Variants in ERBB4 observed in about 807,000 individuals in gnomAD.
ERBB4 encodes the protein erb-b2 receptor tyrosine kinase 4, also known as receptor tyrosine-protein kinase erbB-4.
Under a neutral mutation model 158.0 loss-of-function variants are expected in ERBB4, and 42 were observed. The observed-to-expected ratio is 0.27, with a 90% confidence interval of 0.21 to 0.34. The LOEUF (loss-of-function observed/expected upper bound fraction) is 0.34. Ranked by LOEUF, ERBB4 falls within the 10% of genes least tolerant of loss-of-function variation. The pLI, the probability that ERBB4 is intolerant of heterozygous loss-of-function variation, is 1.00. For synonymous variants in ERBB4, 583 were observed against 558.7 expected (o/e 1.04, Z -0.61); for missense variants, 1,333 against 1,624.1 (o/e 0.82, Z 3.08).
intron 19 of ERBB4, among the ~76,000 whole-genome samples, chr2:211,587,038 G>C (rs144042469): frequency 0.015 from 2,321 of 152,204 alleles, 37 homozygotes; most frequent in Middle Eastern, 0.051. Flanking sequence ...AAAAAATTAA[G>C]TTGAACCATT....
intron 5 of ERBB4, among the ~76,000 whole-genome samples, chr2:211,725,569 T>G (rs1248536693): frequency 6.6e-6 from 1 of 152,082 alleles, no homozygotes; most frequent in East Asian, 1.9e-4. Context: ...ACGACTGCAC[T>G]TGTGAATAGT....
At chr2:211,772,854 T>C (rs959131931) in intron 4 of ERBB4, among the ~76,000 whole-genome samples, 16 of 59,684 alleles carry the variant, frequency 2.7e-4, no homozygotes, top group Middle Eastern at 0.016. Context: ...TATATATATA[T>C]ATATATATAT....
chr2:211,423,693 G>C (rs767297034), intron 23 of ERBB4, among the ~76,000 whole-genome samples: 12 of 151,816 alleles, frequency 7.9e-5, no homozygotes, highest in Middle Eastern at 3.2e-3. Flanking sequence ...ATTTGCTCCT[G>C]ACTAAAACCA....
At chr2:212,419,491 A>G (rs956133907) in intron 1 of ERBB4, among the ~76,000 whole-genome samples, 16 of 152,014 alleles carry the variant, frequency 1.1e-4, no homozygotes, top group African/African-American at 3.6e-4. Flanking sequence ...ATCCTAAATT[A>G]GACATACTAC....
rs549254649 is a variant in ERBB4 at position 211,571,041 on chromosome 2, C to CTTTTTTTTTTTTTTTTTTTTT, written c.2302-8954_2302-8953insAAAAAAAAAAAAAAAAAAAAA. 5.5e-5 allele frequency among the ~76,000 whole-genome samples: 6 copies of CTTTTTTTTTTTTTTTTTTTTT among 109,078 alleles called. 1 individual carries two copies. Among genetic ancestry groups the CTTTTTTTTTTTTTTTTTTTTT allele is most frequent in the African/African-American group, 2.1e-4 (6 of 28,156 alleles). 71.6% of individuals were successfully genotyped at this position (109,078 alleles called of 152,430 possible). A position where few individuals can be genotyped will look rare whatever the true frequency, so the allele number is the denominator to read the frequency against. On this transcript the variant is annotated intron_variant, in intron 19 of 27. Coordinates refer to ENST00000342788, the MANE Select transcript of ERBB4 (RefSeq NM_005235.3). Reference sequence around the variant, plus strand: ...TTTTCACTCTCTGAGTACTCTTCTTCTTTTTTTTTTTTTTTTTTTTGAGAC... The same window carrying CTTTTTTTTTTTTTTTTTTTTT: ...TTTTCACTCTCTGAGTACTCTTCTTCTTTTTTTTTTTTTTTTTTTTTTTTTTTTTTTTTTTTTTTTTGAGAC...
intron 1 of ERBB4, among the ~76,000 whole-genome samples, chr2:212,481,840 T>C (rs1174292684): frequency 1.3e-5 from 2 of 152,328 alleles, no homozygotes; most frequent in African/African-American, 4.8e-5. Flanking sequence ...AATTACATTT[T>C]CATCCATATA....
intron 19 of ERBB4, among the ~76,000 whole-genome samples, chr2:211,611,748 A>G (rs894209291): frequency 6.6e-6 from 1 of 152,184 alleles, no homozygotes; most frequent in African/African-American, 2.4e-5. Flanking sequence ...TGCACGTTTT[A>G]GCTGGAGAAG....
At chr2:212,216,716 A>C (rs2083110488) in intron 1 of ERBB4, among the ~76,000 whole-genome samples, 1 of 151,276 alleles carries the variant, frequency 6.6e-6, no homozygotes, top group African/African-American at 2.4e-5. Context: ...ATCTACTATA[A>C]TTGTTCTCAC....
chr2:212,247,029 T>C (rs1469160991), intron 1 of ERBB4, among the ~76,000 whole-genome samples: 1 of 152,174 alleles, frequency 6.6e-6, no homozygotes, highest in Non-Finnish European at 1.5e-5. Context: ...ATCATGTTGA[T>C]TAAATTGATA....
At chr2:212,352,825 G>C (rs1388070061) in intron 1 of ERBB4, among the ~76,000 whole-genome samples, 1 of 151,978 alleles carries the variant, frequency 6.6e-6, no homozygotes, top group Non-Finnish European at 1.5e-5. Flanking sequence ...CTGAGATCAT[G>C]GCACTGCACT....
At chr2:212,228,614 T>G (rs1358395287) in intron 1 of ERBB4, among the ~76,000 whole-genome samples, 1 of 152,150 alleles carries the variant, frequency 6.6e-6, no homozygotes, top group Non-Finnish European at 1.5e-5. Flanking sequence ...ATTTTCATCC[T>G]GCAGAGCCTA....
At position 211,760,327 on chromosome 2, in the gene ERBB4, A is replaced by G. The variant is rs143433778; in HGVS notation, c.557-9623T>C. Among the ~76,000 whole-genome samples the G allele has an allele frequency of 7.0e-4, 107 of 152,312 alleles. 2 individuals are homozygous for G. The highest frequency in any genetic ancestry group is 2.4e-3 in the African/African-American group (100 of 41,578). ...GAGTGTGCCAAAAGCTTCTGTACAC[A>G]TCTATCATATTTGACCTTTTAGTCA... is the stretch of plus-strand genomic sequence containing the variant. On this transcript the variant is annotated intron_variant, in intron 4 of 27. Coordinates refer to ENST00000342788, the MANE Select transcript of ERBB4 (RefSeq NM_005235.3).
chr2:211,970,837 C>T (rs1300718673), intron 2 of ERBB4, among the ~76,000 whole-genome samples: 4 of 152,072 alleles, frequency 2.6e-5, no homozygotes, highest in Non-Finnish European at 5.9e-5. Context: ...TCCAGATTGC[C>T]ATTCTGTGTC....
intron 2 of ERBB4, among the ~76,000 whole-genome samples, chr2:211,983,050 A>G (rs2081848168): frequency 6.6e-6 from 1 of 152,192 alleles, no homozygotes; most frequent in Non-Finnish European, 1.5e-5. Flanking sequence ...ATACCATATC[A>G]TGGAATCTCA....
At chr2:212,419,895 T>C (rs1417116428) in intron 1 of ERBB4, among the ~76,000 whole-genome samples, 2 of 151,982 alleles carry the variant, frequency 1.3e-5, no homozygotes, top group African/African-American at 2.4e-5. Context: ...GATGATATTT[T>C]CTACTTTAAA....
At chr2:212,332,599 A>G (rs886282814) in intron 1 of ERBB4, among the ~76,000 whole-genome samples, 1 of 151,978 alleles carries the variant, frequency 6.6e-6, no homozygotes, top group African/African-American at 2.4e-5. Flanking sequence ...TGTCATTATT[A>G]TTTTATTATT....
intron 17 of ERBB4, among the ~76,000 whole-genome samples, chr2:211,625,078 A>G (rs1031418381): frequency 1.3e-5 from 2 of 152,122 alleles, no homozygotes; most frequent in Non-Finnish European, 2.9e-5. Context: ...GTGAGAAAAA[A>G]AAAAAGTATG....
At chr2:212,205,107 C>T (rs1011254043) in intron 1 of ERBB4, among the ~76,000 whole-genome samples, 25 of 152,118 alleles carry the variant, frequency 1.6e-4, no homozygotes, top group Non-Finnish European at 2.9e-4. Context: ...CATGAGCCAC[C>T]GTGCCTGGCC....
In ERBB4 at chr2:211,383,781, T is replaced by C. The variant is rs1270766158; in HGVS notation, c.3761A>G (p.Gln1254Arg). The C allele has an allele frequency of 1.5e-5, 24 of 1,614,028 alleles. No individual in the cohort carries two copies. Among genetic ancestry groups the C allele is most frequent in the Non-Finnish European group, 2.0e-5 (24 of 1,180,024 alleles). ...NHSLPPRSTL[Q>R]HPDYLQEYST... Reference sequence around the variant, plus strand: ...GTACTCCTGCAGGTAGTCTGGGTGCTGAAGGGTGCTCCGAGGTGGCAGGCT... The same window carrying C: ...GTACTCCTGCAGGTAGTCTGGGTGCCGAAGGGTGCTCCGAGGTGGCAGGCT... The change falls in exon 28 of 28, where the codon CAG becomes CGG. Residue 1254 changes from glutamine (Q) to arginine (R), a missense_variant. Transcript: ENST00000342788.
Sources: gnomAD v4.1 joint callset for allele counts (sites outside exome capture counted in the v4.1 genomes callset) on GRCh38, gnomAD v4.1.1 for gene constraint, MANE v1.5 for transcripts, NCBI Gene and HGNC (gene_info 2026-07-23, HGNC 2026-07-21) for gene names.